The following STAG2 variants were observed in gnomAD, a reference collection of about 807,000 sequenced individuals.
STAG2 encodes the protein STAG2 cohesin complex component.
In STAG2, 14 loss-of-function variants were observed where a neutral mutation model predicts 108.1. The ratio of observed to expected loss-of-function variants is 0.13; its 90% CI spans 0.09 to 0.20. The LOEUF (loss-of-function observed/expected upper bound fraction) is 0.20, where lower values mean the gene tolerates loss of function less well. STAG2 is among the 10% of genes least tolerant of loss of function. The pLI is 1.00. For synonymous variants in STAG2, 307 were observed against 302.7 expected (o/e 1.01, Z -0.15); for missense variants, 440 against 940.9 (o/e 0.47, Z 6.96).
At position 124,039,137 on chromosome X, in the gene STAG2, T is replaced by TTTATTATTATTA. The variant is rs4028223; in HGVS notation, c.385+1535_385+1546dup. On this transcript the variant is annotated intron_variant, in intron 6 of 34. Coordinates refer to ENST00000371145, the MANE Select transcript of STAG2 (RefSeq NM_001042750.2). ...TTTAAATCTTAAGTCTCCCCTTTTA[T>TTTATTATTATTA]TTATTATTATTATTATTATTATTAT... Among the ~76,000 whole-genome samples, 538 of 94,073 alleles carry TTTATTATTATTA rather than the reference T, an allele frequency of 5.7e-3. 8 individuals carry two copies. The highest frequency in any genetic ancestry group is 0.018 in the African/African-American group (477 of 26,389). The allele number at this position is 94,073 out of a possible 115,157, so 81.7% of individuals were successfully genotyped here. A position where few individuals can be genotyped will look rare whatever the true frequency, so the allele number is the denominator to read the frequency against.
chrX:124,037,545 A>G lies in STAG2; in HGVS notation c.307A>G (p.Ile103Val). The change falls in exon 6 of 35, where the codon ATA (isoleucine) becomes GTA (valine). Residue 103 changes from isoleucine (I) to valine (V), a missense_variant. Transcript: ENST00000371145. Reference sequence around the variant, plus strand: ...GCTGTAGTCGGTGGTAGATGATTGGATAGAATCATACAAGCATGACCGAGA... The same window carrying G: ...GCTGTAGTCGGTGGTAGATGATTGGGTAGAATCATACAAGCATGACCGAGA... ...SAMQSVVDDW[I>V]ESYKHDRDIA... is the part of the protein sequence containing the mutation. The G allele has an allele frequency of 8.5e-7, 1 of 1,182,754 alleles. No homozygotes were observed. Among genetic ancestry groups the G allele is most frequent in the Admixed American group, 2.2e-5 (1 of 44,475 alleles).
At chrX:124,001,187 T>G (rs1483918790) in intron 1 of STAG2, among the ~76,000 whole-genome samples, 1 of 110,561 alleles carries the variant, frequency 9.0e-6, no homozygotes, top group Non-Finnish European at 1.9e-5. Flanking sequence ...GCCTTCTGGG[T>G]TCAAGCGATT....
intron 4 of STAG2, among the ~76,000 whole-genome samples, chrX:124,027,876 G>C (rs746049157): frequency 1.8e-5 from 2 of 110,754 alleles, no homozygotes; most frequent in South Asian, 3.8e-4. Flanking sequence ...TTGTACACAG[G>C]TTAGCGTATT....
intron 25 of STAG2, 57 bp downstream of exon 25, chrX:124,071,380 G>GT: frequency 1.0e-6 from 1 of 972,154 alleles, no homozygotes; most frequent in Non-Finnish European, 1.4e-6. Flanking sequence ...TCAAACTTAA[G>GT]TAACAATGAT....
intron 1 of STAG2, among the ~76,000 whole-genome samples, chrX:124,020,314 T>A (rs2056882261): frequency 8.9e-6 from 1 of 112,115 alleles, no homozygotes; most frequent in African/African-American, 3.2e-5. Flanking sequence ...AACTTTGGTT[T>A]TGATGAAATG....
chrX:124,034,282 T>A (rs752425319), intron 5 of STAG2, among the ~76,000 whole-genome samples: 1 of 112,086 alleles, frequency 8.9e-6, no homozygotes, highest in East Asian at 2.8e-4. Flanking sequence ...TCCTCCTGCC[T>A]CAGCCTCCCC....
rs2148357792 is a variant in STAG2 at position 124,068,671 on chromosome X, T to C, written c.2358+15T>C. The C allele has an allele frequency of 9.3e-7, 1 of 1,073,876 alleles. No individual in the cohort carries two copies. The highest frequency in any genetic ancestry group is 1.3e-6 in the Non-Finnish European group (1 of 793,522). The allele number at this position is 1,073,876 out of a possible 1,213,427, so 88.5% of individuals were successfully genotyped here. On this transcript the variant is annotated intron_variant, in intron 24 of 34. Coordinates refer to ENST00000371145, the MANE Select transcript of STAG2 (RefSeq NM_001042750.2). The stretch of plus-strand genomic sequence containing the variant: ...TTAAGGAACAGGTTAGTAATTACTA[T>C]AGATGGTAATCTTTTTGTAAGCAAC...
chrX:124,098,329 T>C (rs2148524706), intron 34 of STAG2, among the ~76,000 whole-genome samples: 1 of 111,666 alleles, frequency 9.0e-6, no homozygotes, highest in Admixed American at 9.5e-5. Flanking sequence ...CAGTAATCTT[T>C]AAAGGCTTAG....
In STAG2 at chrX:124,061,887, A is replaced by G. The variant is rs777029822; in HGVS notation, c.1638+13A>G. 21 of 1,100,962 alleles carry G rather than the reference A, an allele frequency of 1.9e-5. No individual in the cohort carries two copies. Among genetic ancestry groups the G allele is most frequent in the Admixed American group, 2.6e-5 (1 of 38,123 alleles). The allele number at this position is 1,100,962 out of a possible 1,213,427, so 90.7% of individuals were successfully genotyped here. ...GACAGGAAAAAGGGTATGCCAATCA[A>G]TGTCTTTTCAATATTCTAAACTCCA... On this transcript the variant is annotated intron_variant, in intron 17 of 34. Transcript: ENST00000371145.
intron 25 of STAG2, among the ~76,000 whole-genome samples, chrX:124,073,129 T>C (rs2058714552): frequency 9.1e-6 from 1 of 110,096 alleles, no homozygotes; most frequent in Non-Finnish European, 1.9e-5. Flanking sequence ...CTGCAGGTAT[T>C]GAAACATCTT....
At chrX:124,022,717 A>C in intron 3 of STAG2, 46 bp downstream of exon 3, 1 of 902,281 alleles carries the variant, frequency 1.1e-6, no homozygotes, top group Non-Finnish European at 1.5e-6. Flanking sequence ...TGTTTATTCC[A>C]CAAAATGGGG....
chrX:123,965,931 A>G (rs1367097318), intron 1 of STAG2, among the ~76,000 whole-genome samples: 2 of 110,434 alleles, frequency 1.8e-5, no homozygotes, highest in Non-Finnish European at 3.8e-5. Context: ...CCCGGTACAT[A>G]GAGGCTGCAG....
At chrX:123,972,866 CAAAAAAAAAAAAAAAA>C (rs747333406) in intron 1 of STAG2, among the ~76,000 whole-genome samples, 1 of 21,934 alleles carries the variant, frequency 4.6e-5, no homozygotes, top group Non-Finnish European at 7.3e-5. Context: ...ACCAAAAATA[CAAAAAAAAAAAAAAAA>C]AAAAAAAAAG....
intron 30 of STAG2, 132 bp from the exon 31 acceptor site, chrX:124,090,443 T>C: frequency 1.9e-6 from 1 of 533,581 alleles, no homozygotes; most frequent in Non-Finnish European, 3.1e-6. Flanking sequence ...GCCCCTTACA[T>C]AGGTTTGTGT....
In STAG2 at chrX:124,088,920, T is replaced by TTTTTTTTTTC. The variant is rs1216541992; in HGVS notation, c.3278-1647_3278-1646insTCTTTTTTTT. Among the ~76,000 whole-genome samples the TTTTTTTTTTC allele has an allele frequency of 5.4e-5, 5 of 92,165 alleles. No individual in the cohort carries two copies. The East Asian group carries it at 1.8e-3, about 32-fold the overall frequency. 80.0% of individuals were successfully genotyped at this position (92,165 alleles called of 115,157 possible). A position where few individuals can be genotyped will look rare whatever the true frequency, so the allele number is the denominator to read the frequency against. On this transcript the variant is annotated intron_variant, in intron 30 of 34. Coordinates refer to ENST00000371145, the MANE Select transcript of STAG2 (RefSeq NM_001042750.2). ...TGAGCCACTGCGCCTGGCCTTTTTTTTTTTTTTTCTTTTGAGATGGAGTCT... is the reference window on the plus strand; with the variant it reads ...TGAGCCACTGCGCCTGGCCTTTTTTTTTTTTTTTTCTTTTTTTTCTTTTGAGATGGAGTCT...
At chrX:124,027,157 G>A (rs2057132670) in intron 4 of STAG2, among the ~76,000 whole-genome samples, 1 of 111,961 alleles carries the variant, frequency 8.9e-6, no homozygotes, top group African/African-American at 3.2e-5. Flanking sequence ...GGCTCAAGCA[G>A]TCCTCCTGCC....
At chrX:123,974,302 G>A (rs1224464045) in intron 1 of STAG2, among the ~76,000 whole-genome samples, 15 of 103,641 alleles carry the variant, frequency 1.4e-4, no homozygotes, top group African/African-American at 4.6e-4. Context: ...GCACAATCTT[G>A]GCTTACTGAA....
chrX:124,102,247 A>G lies in STAG2; in HGVS notation c.*1650A>G, dbSNP rs1193071199. 2 of 159,033 alleles carry G rather than the reference A, an allele frequency of 1.3e-5. No homozygotes were observed. The highest frequency in any genetic ancestry group is 3.0e-5 in the African/African-American group (1 of 33,275). The allele number at this position is 159,033 out of a possible 1,213,427, so 13.1% of individuals were successfully genotyped here. ...TATTGCCTATGTTGTTTTACACACCACTGCATTAACTAGAACTGCTGAGAG... is the reference window on the plus strand; with the variant it reads ...TATTGCCTATGTTGTTTTACACACCGCTGCATTAACTAGAACTGCTGAGAG... On this transcript the variant is annotated 3_prime_UTR_variant, in exon 35 of 35. Coordinates refer to ENST00000371145, the MANE Select transcript of STAG2 (RefSeq NM_001042750.2).
At position 124,078,084 on chromosome X, in the gene STAG2, G is replaced by A. The variant is rs891530524; in HGVS notation, c.2775+26G>A. On this transcript the variant is annotated intron_variant, in intron 27 of 34. Transcript: ENST00000371145. ...GTAAGCATTAAGAGTACCAACTTTA[G>A]CTAACACAATTAACACCTAATAGTT... 1.4e-5 allele frequency: 15 copies of A among 1,072,767 alleles called. No individual in the cohort carries two copies. In the African/African-American group the frequency reaches 2.1e-4, roughly 15 times the overall value. 88.4% of individuals were successfully genotyped at this position (1,072,767 alleles called of 1,213,427 possible). A position where few individuals can be genotyped will look rare whatever the true frequency, so the allele number is the denominator to read the frequency against.
Sources: allele counts gnomAD v4.1 joint callset (sites outside exome capture counted in the v4.1 genomes callset), GRCh38; gene constraint gnomAD v4.1.1; transcripts MANE v1.5; gene names NCBI Gene and HGNC (gene_info 2026-07-23, HGNC 2026-07-21).